Variants in MFN2 observed in about 807,000 individuals in gnomAD.
MFN2 encodes mitofusin 2, also known as mitofusin-2.
A neutral mutation model predicts 87.5 loss-of-function variants in MFN2; 43 were observed. The observed-to-expected ratio is 0.49, with a 90% CI of 0.38 to 0.63. The LOEUF (loss-of-function observed/expected upper bound fraction) is 0.63. MFN2 is among the 30% of genes least tolerant of loss of function. The probability of loss-of-function intolerance (pLI) is 0.00; values close to 1 mark genes in which losing one functional copy is unlikely to be tolerated. For missense variants in MFN2, 743 were observed against 972.8 expected, an observed-to-expected ratio of 0.76 and a Z score of 3.14; for synonymous variants, 337 against 359.9, an observed-to-expected ratio of 0.94 and a Z score of 0.72.
At chr1:11,981,242 C>T (rs554566715) in intron 1 of MFN2, among the ~76,000 whole-genome samples, 57 of 152,318 alleles carry the variant, frequency 3.7e-4, no homozygotes, top group Non-Finnish European at 4.4e-4. Flanking sequence ...CAGTGGATCA[C>T]ACCTGTAATC....
At chr1:11,996,355 C>G (rs1402145334) in intron 5 of MFN2, 37 bp downstream of exon 5, 1 of 1,612,906 alleles carries the variant, frequency 6.2e-7, no homozygotes, top group East Asian at 2.2e-5. Flanking sequence ...CCTGTGCCTG[C>G]TGGGGGAGCA....
At chr1:11,998,690 C>A (rs922190766) in intron 6 of MFN2, 80 bp from the exon 7 acceptor site, 5 of 1,324,646 alleles carry the variant, frequency 3.8e-6, no homozygotes, top group Non-Finnish European at 4.4e-6. Flanking sequence ...GCCTGCCTCA[C>A]AAGTCCCAGG....
intron 17 of MFN2, among the ~76,000 whole-genome samples, chr1:12,008,719 C>T (rs1034424490): frequency 1.3e-5 from 2 of 151,452 alleles, no homozygotes; most frequent in African/African-American, 4.9e-5. Flanking sequence ...TCCTCACTTC[C>T]CAGAGTGGGC....
At chr1:12,010,470 G>T in intron 18 of MFN2, among the ~76,000 whole-genome samples, 1 of 152,254 alleles carries the variant, frequency 6.6e-6, no homozygotes, top group South Asian at 2.1e-4. Context: ...AGCAGCCCCC[G>T]CACTCTGATT....
intron 8 of MFN2, among the ~76,000 whole-genome samples, 188 bp from the exon 9 acceptor site, chr1:12,001,213 A>G (rs1639156161): frequency 1.3e-5 from 2 of 152,124 alleles, no homozygotes; most frequent in South Asian, 2.1e-4. Flanking sequence ...GGGTTTCACC[A>G]TGGTGGCCAG....
chr1:11,989,488 G>A, intron 3 of MFN2, 145 bp downstream of exon 3: 1 of 951,506 alleles, frequency 1.1e-6, no homozygotes, highest in Non-Finnish European at 1.5e-6. Context: ...GAAATCATGT[G>A]GAATTGGAGT....
At chr1:11,989,084 C>T (rs1638555119) in intron 2 of MFN2, 81 bp from the exon 3 acceptor site, 1 of 1,483,756 alleles carries the variant, frequency 6.7e-7, no homozygotes, top group Admixed American at 1.7e-5. Flanking sequence ...CTTGATTCTC[C>T]CCAAAGCATT....
At chr1:11,983,660 G>A (rs3766744) in intron 2 of MFN2, among the ~76,000 whole-genome samples, 78,063 of 151,914 alleles carry the variant, frequency 0.51, 20,653 homozygotes, top group East Asian at 0.64. Flanking sequence ...GGCAGAGGAG[G>A]AACCCAGCTG....
At chr1:12,008,684 T>C (rs190461442) in intron 17 of MFN2, among the ~76,000 whole-genome samples, 4,377 of 148,512 alleles carry the variant, frequency 0.029, 202 homozygotes, top group African/African-American at 0.1. Flanking sequence ...ACTTCCTAGA[T>C]GGGATGGCGG....
chr1:11,999,192 C>T, intron 8 of MFN2, 97 bp downstream of exon 8: 1 of 980,770 alleles, frequency 1.0e-6, no homozygotes, highest in Non-Finnish European at 1.6e-6. Flanking sequence ...TAGTGACTTC[C>T]CTGAATTAAT....
chr1:11,992,109 G>C (rs1230672162), intron 3 of MFN2, among the ~76,000 whole-genome samples: 1 of 152,052 alleles, frequency 6.6e-6, no homozygotes. Context: ...CTGGCATGTG[G>C]TAAGAACTTC....
At position 12,005,738 on chromosome 1, in the gene MFN2, C is replaced by G. The variant is rs138660745; in HGVS notation, c.1523C>G (p.Ser508Cys). 3.1e-6 allele frequency: 5 copies of G among 1,614,116 alleles called. No homozygotes were observed. In the African/African-American group the frequency reaches 5.3e-5, roughly 17 times the overall value. The change falls in exon 15 of 19, where the codon TCT (serine) becomes TGT (cysteine). Residue 508 changes from serine (S) to cysteine (C), a missense_variant. Ser to Cys is a moderately radical substitution (Grantham distance 112). This residue lies in a region of MFN2 where 571 missense variants were observed against 670.7 expected (regional missense o/e 0.85). Coordinates refer to ENST00000235329, the MANE Select transcript of MFN2 (RefSeq NM_014874.4). ...GGCTTGAAACCCCTCCTTCCTGTGT[C>G]TGTGCGGAGTCAGATAGACATGCTG... ...IDGLKPLLPVSVRSQIDMLVP... is the reference protein window; with the variant it reads ...IDGLKPLLPVCVRSQIDMLVP...
In MFN2 at chr1:12,005,789, A is replaced by G. The variant is rs145654854; in HGVS notation, c.1574A>G (p.Asn525Ser). 1.1e-4 allele frequency: 182 copies of G among 1,614,128 alleles called. No homozygotes were observed. The highest frequency in any genetic ancestry group is 6.3e-4 in the South Asian group (57 of 91,072). Residue 525 changes from asparagine (N) to serine (S), a missense_variant, in exon 15 of 19, where the codon AAC becomes AGC. Physicochemically the swap from Asn to Ser is conservative, Grantham distance 46. Around this residue, in one of 3 missense-constraint regions of MFN2, gnomAD observed 571 missense variants for 670.7 expected, o/e 0.85. Transcript: ENST00000235329. The stretch of plus-strand genomic sequence containing the variant: ...GTCCCACGCCAGTGCTTCTCCCTCA[A>G]CTATGACCTAAACTGTGACAAGCTG... ...MLVPRQCFSLNYDLNCDKLCA... is the reference protein window; with the variant it reads ...MLVPRQCFSLSYDLNCDKLCA...
intron 2 of MFN2, among the ~76,000 whole-genome samples, chr1:11,987,812 G>A (rs754774088): frequency 1.8e-4 from 28 of 152,068 alleles, no homozygotes; most frequent in Admixed American, 1.4e-3. Context: ...TTAGTGGGGC[G>A]TGGTGGTGCA....
At chr1:11,992,929 GAGC>G (rs1259435854) in intron 4 of MFN2, among the ~76,000 whole-genome samples, 1 of 150,482 alleles carries the variant, frequency 6.6e-6, no homozygotes, top group Admixed American at 6.6e-5. Context: ...TGAGCCTCCT[GAGC>G]AGCTGGGACT....
chr1:11,991,652 C>T (rs1472547823), intron 3 of MFN2, among the ~76,000 whole-genome samples: 4 of 152,166 alleles, frequency 2.6e-5, no homozygotes, highest in East Asian at 1.9e-4. Flanking sequence ...AGGCCGGGCG[C>T]GGTGGCTCAC....
chr1:12,009,615 A>C lies in MFN2; in HGVS notation c.2093A>C (p.His698Pro). The change falls in exon 18 of 19, where the codon CAT becomes CCT. Residue 698 changes from histidine (H) to proline (P), a missense_variant. Physicochemically the swap from His to Pro is moderately conservative, Grantham distance 77 (BLOSUM62 -2). Coordinates refer to ENST00000235329, the MANE Select transcript of MFN2 (RefSeq NM_014874.4). ...AGGGAACTGTCTGGGACCTTTGCTC[A>C]TCTGTGTCAGCAAGTTGACGTCACC... ...VQQELSGTFAHLCQQVDVTRE... is the reference protein window; with the variant it reads ...VQQELSGTFAPLCQQVDVTRE... The C allele has an allele frequency of 6.2e-7, 1 of 1,614,206 alleles. No homozygotes were observed. The highest frequency in any genetic ancestry group is 1.1e-5 in the South Asian group (1 of 91,088).
At position 11,998,972 on chromosome 1, in the gene MFN2, C is replaced by T; in HGVS notation, c.709-16C>T. ...TGTCAAGCTCCTGCTCCACCGAGGT[C>T]TTACCCTTTATCTAGGAAAAGCACT... On this transcript the variant is annotated splice_polypyrimidine_tract_variant and intron_variant, in intron 7 of 18. Coordinates refer to ENST00000235329, the MANE Select transcript of MFN2 (RefSeq NM_014874.4). The T allele has an allele frequency of 6.2e-7, 1 of 1,614,044 alleles. No homozygotes were observed. Among genetic ancestry groups the T allele is most frequent in the Non-Finnish European group, 8.5e-7 (1 of 1,179,910 alleles).
rs759614417 is a variant in MFN2, at chr1:12,009,581, C to T, written c.2070-11C>T. ...CACACCCCAACTGGGTCCCTTCTCT[C>T]TCCTCCCCAGGGAACTGTCTGGGAC... On this transcript the variant is annotated splice_polypyrimidine_tract_variant and intron_variant, in intron 17 of 18. Coordinates refer to ENST00000235329, the MANE Select transcript of MFN2 (RefSeq NM_014874.4). 27 of 1,614,230 alleles carry T rather than the reference C, an allele frequency of 1.7e-5. No homozygotes were observed. The highest frequency in any genetic ancestry group is 2.2e-5 in the East Asian group (1 of 44,892).
Sources: allele counts gnomAD v4.1 joint callset (sites outside exome capture counted in the v4.1 genomes callset), GRCh38; gene constraint gnomAD v4.1.1; regional missense constraint gnomAD v4.1.1; transcripts MANE v1.5; gene names NCBI Gene and HGNC (gene_info 2026-07-23, HGNC 2026-07-21).